GPC5: variants seen among roughly 807,000 people sequenced by gnomAD.
The protein encoded by GPC5 is glypican 5, also known as glypican-5.
Under a neutral mutation model 53.9 loss-of-function variants are expected in GPC5, and 47 were observed. The observed-to-expected ratio is 0.87, with a 90% CI of 0.69 to 1.11. GPC5 has a LOEUF of 1.11. Among genes scored for constraint, GPC5 ranks in the 50% most tolerant of loss-of-function variants. The pLI is 0.00. For missense variants in GPC5, 748 were observed against 713.1 expected, an observed-to-expected ratio of 1.05 and a Z score of -0.56; for synonymous variants, 286 against 263.3, an observed-to-expected ratio of 1.09 and a Z score of -0.84.
chr13:92,859,105 A>C (rs942703907), intron 7 of GPC5, among the ~76,000 whole-genome samples: 27 of 151,998 alleles, frequency 1.8e-4, no homozygotes, highest in Admixed American at 1.3e-4. Flanking sequence ...AAAAATTATC[A>C]AGGTATGGTG....
intron 7 of GPC5, among the ~76,000 whole-genome samples, chr13:92,828,913 T>A (rs1043457470): frequency 2.0e-5 from 3 of 152,142 alleles, no homozygotes; most frequent in Non-Finnish European, 2.9e-5. Flanking sequence ...GGGTGATGAA[T>A]ACACGAAAAG....
rs557475801 is a variant in GPC5 at position 92,542,256 on chromosome 13, G to A, written c.1562-324026G>A. Among the ~76,000 whole-genome samples the A allele has an allele frequency of 2.6e-5, 4 of 151,984 alleles. No homozygotes were observed. The East Asian group carries it at 5.8e-4, about 22-fold the overall frequency. On this transcript the variant is annotated intron_variant, in intron 7 of 7. Transcript: ENST00000377067. ...TTGTTAAATGTAGTCACTCTACAGT[G>A]CTATGGAACACTAGACTCTATTCCT...
chr13:91,454,354 T>C (rs1477129828), intron 2 of GPC5, among the ~76,000 whole-genome samples: 1 of 152,116 alleles, frequency 6.6e-6, no homozygotes, highest in Non-Finnish European at 1.5e-5. Flanking sequence ...TTTTAAACTC[T>C]AAGAAGTAAA....
intron 7 of GPC5, among the ~76,000 whole-genome samples, chr13:92,350,735 A>C (rs546016969): frequency 6.6e-6 from 1 of 152,336 alleles, no homozygotes; most frequent in Non-Finnish European, 1.5e-5. Flanking sequence ...TAATTAGCTT[A>C]ATTTTATTAC....
chr13:92,866,450 C>A lies in GPC5; in HGVS notation c.*11C>A. The A allele has an allele frequency of 6.3e-7, 1 of 1,591,674 alleles. No homozygotes were observed. ...CCCGGGATTTGGTAACTGAACTCTT[C>A]TGTCCTGACATACCTTACTGAAGTC... On this transcript the variant is annotated 3_prime_UTR_variant, in exon 8 of 8. Transcript: ENST00000377067.
intron 2 of GPC5, among the ~76,000 whole-genome samples, chr13:91,655,906 G>A: frequency 6.6e-6 from 1 of 152,142 alleles, no homozygotes; most frequent in East Asian, 1.9e-4. Context: ...CAACTATGGA[G>A]TCTGTTAACT....
At chr13:91,441,845 C>T (rs1431931890) in intron 1 of GPC5, among the ~76,000 whole-genome samples, 2 of 152,158 alleles carry the variant, frequency 1.3e-5, no homozygotes, top group African/African-American at 4.8e-5. Flanking sequence ...TTGTGAATTT[C>T]AAGGCCCTGT....
At chr13:91,521,751 C>T (rs1195285641) in intron 2 of GPC5, among the ~76,000 whole-genome samples, 1 of 152,190 alleles carries the variant, frequency 6.6e-6, no homozygotes, top group African/African-American at 2.4e-5. Context: ...TCGATTCTGA[C>T]ACCATCTACC....
chr13:92,353,253 C>T (rs554402048), intron 7 of GPC5, among the ~76,000 whole-genome samples: 2 of 104,008 alleles, frequency 1.9e-5, no homozygotes, highest in African/African-American at 4.0e-5. Flanking sequence ...GGCGACAGAG[C>T]GAGACTCCGT....
intron 7 of GPC5, among the ~76,000 whole-genome samples, chr13:92,467,843 T>A (rs978764324): frequency 1.3e-5 from 2 of 152,132 alleles, no homozygotes; most frequent in Non-Finnish European, 2.9e-5. Flanking sequence ...GCAGTTTAAA[T>A]GTCTCTCTAA....
intron 7 of GPC5, among the ~76,000 whole-genome samples, chr13:92,718,880 G>T (rs745702812): frequency 1.4e-5 from 2 of 138,274 alleles, no homozygotes; most frequent in Non-Finnish European, 3.0e-5. Context: ...AACAGAGTGA[G>T]ACTCCGTCCC....
At chr13:92,858,699 G>T (rs1246994794) in intron 7 of GPC5, among the ~76,000 whole-genome samples, 1 of 151,984 alleles carries the variant, frequency 6.6e-6, no homozygotes, top group African/African-American at 2.4e-5. Flanking sequence ...AGTTCCTATT[G>T]GGTACAATGT....
At chr13:92,632,404 C>T (rs1885268673) in intron 7 of GPC5, among the ~76,000 whole-genome samples, 1 of 149,274 alleles carries the variant, frequency 6.7e-6, no homozygotes. Context: ...CTGCAACGTG[C>T]AAGTTATTTC....
intron 5 of GPC5, among the ~76,000 whole-genome samples, chr13:91,801,457 G>T (rs1452627956): frequency 2.0e-5 from 3 of 152,024 alleles, no homozygotes; most frequent in Non-Finnish European, 4.4e-5. Flanking sequence ...TCTTCCTTGT[G>T]TTTCTTATAC....
At chr13:92,746,893 TAG>T (rs1030430410) in intron 7 of GPC5, among the ~76,000 whole-genome samples, 23 of 152,242 alleles carry the variant, frequency 1.5e-4, no homozygotes, top group African/African-American at 5.3e-4. Context: ...GTGAGCATTA[TAG>T]AGTGTACTTA....
At chr13:91,867,469 A>T (rs555517048) in intron 5 of GPC5, among the ~76,000 whole-genome samples, 2 of 152,346 alleles carry the variant, frequency 1.3e-5, no homozygotes, top group East Asian at 3.9e-4. Context: ...ATAGAAAAGA[A>T]ATCATGGACA....
At chr13:92,605,920 T>C (rs1884241671) in intron 7 of GPC5, among the ~76,000 whole-genome samples, 1 of 152,034 alleles carries the variant, frequency 6.6e-6, no homozygotes, top group African/African-American at 2.4e-5. Flanking sequence ...AAGTAAATGC[T>C]ATCTGATGTG....
At chr13:92,141,179 T>C (rs1283398609) in intron 6 of GPC5, among the ~76,000 whole-genome samples, 1 of 152,184 alleles carries the variant, frequency 6.6e-6, no homozygotes, top group Admixed American at 6.5e-5. Flanking sequence ...AAATCAAGTT[T>C]TATTACAATA....
At chr13:91,554,720 C>T (rs1334626598) in intron 2 of GPC5, among the ~76,000 whole-genome samples, 1 of 152,070 alleles carries the variant, frequency 6.6e-6, no homozygotes, top group African/African-American at 2.4e-5. Flanking sequence ...TAGACTCTGT[C>T]GTGGTGAAGC....
Sources: gnomAD v4.1 joint callset for allele counts (sites outside exome capture counted in the v4.1 genomes callset) on GRCh38, gnomAD v4.1.1 for gene constraint, MANE v1.5 for transcripts, NCBI Gene and HGNC (gene_info 2026-07-23, HGNC 2026-07-21) for gene names.